Variants in RUNX2 observed in about 807,000 individuals in gnomAD.
RUNX2 encodes the protein runt-related transcription factor 2.
A neutral mutation model predicts 51.7 loss-of-function variants in RUNX2; 10 were observed. The ratio of observed to expected loss-of-function variants is 0.19; its 90% CI spans 0.12 to 0.33. The LOEUF (loss-of-function observed/expected upper bound fraction) is 0.33. Ranked by LOEUF, RUNX2 falls within the 10% of genes least tolerant of loss-of-function variation. The pLI is 1.00. For synonymous variants in RUNX2, 276 were observed against 273.6 expected, an observed-to-expected ratio of 1.01 and a Z score of -0.09; for missense variants, 562 against 691.3, an observed-to-expected ratio of 0.81 and a Z score of 2.10.
chr6:45,428,956 C>G (rs901420918), intron 3 of RUNX2, among the ~76,000 whole-genome samples: 1 of 150,994 alleles, frequency 6.6e-6, no homozygotes, highest in African/African-American at 2.4e-5. Flanking sequence ...GAAGTACGTA[C>G]TCAGTTGAAC....
chr6:45,454,307 A>C (rs976432882), intron 5 of RUNX2, among the ~76,000 whole-genome samples: 3 of 152,226 alleles, frequency 2.0e-5, no homozygotes, highest in African/African-American at 7.2e-5. Context: ...CTTGTTAGGA[A>C]AACTGAAATA....
rs763852761 is a variant in RUNX2 at position 45,431,884 on chromosome 6, C to T, written c.445C>T (p.Pro149Ser). ...GTAGGTGGTAGCCCTCGGAGAGGTA[C>T]CAGATGGGACTGTGGTTACTGTCAT... The part of the protein sequence containing the change: ...AFKVVALGEV[P>S]DGTVVTVMAG... Residue 149 changes from proline to serine, a missense_variant, in exon 4 of 9, where the codon CCA becomes TCA. Around this residue, in one of 5 missense-constraint regions of RUNX2, gnomAD observed 67 missense variants for 106.5 expected, o/e 0.63. Transcript: ENST00000647337. 1 of 1,614,040 alleles carries T rather than the reference C, an allele frequency of 6.2e-7. No individual in the cohort carries two copies. The highest frequency in any genetic ancestry group is 1.3e-5 in the African/African-American group (1 of 75,010).
At chr6:45,483,855 C>G (rs138782595) in intron 5 of RUNX2, among the ~76,000 whole-genome samples, 1,555 of 152,260 alleles carry the variant, frequency 0.01, 27 homozygotes, top group African/African-American at 0.035. Context: ...TGTCGATAGA[C>G]CAGTGTGAGT....
chr6:45,439,131 G>A (rs560747404), intron 5 of RUNX2, among the ~76,000 whole-genome samples: 35 of 152,150 alleles, frequency 2.3e-4, no homozygotes, highest in Non-Finnish European at 2.9e-4. Flanking sequence ...GGTGGGTCCC[G>A]TCCCTTTTGC....
Position 45,366,352 on chromosome 6 carries a change from C to T in RUNX2, c.58+37568C>T, listed in dbSNP as rs1795132606. 4.1e-5 allele frequency among the ~76,000 whole-genome samples: 6 copies of T among 147,528 alleles called. No individual in the cohort carries two copies. In the South Asian group the frequency reaches 1.3e-3, roughly 31 times the overall value. ...GGGCAAGTTACCTAACTTCTCTGTG[C>T]TTCAGTTTCCTCATCTGTAAATGGC... is the stretch of plus-strand genomic sequence containing the variant. On this transcript the variant is annotated intron_variant, in intron 2 of 8. Transcript: ENST00000647337.
At chr6:45,498,937 G>A (rs1264088823) in intron 6 of RUNX2, among the ~76,000 whole-genome samples, 1 of 152,194 alleles carries the variant, frequency 6.6e-6, no homozygotes, top group Non-Finnish European at 1.5e-5. Context: ...AACAAGTTGG[G>A]AGATGAAGTG....
At chr6:45,333,611 A>G (rs1787952573) in intron 2 of RUNX2, among the ~76,000 whole-genome samples, 1 of 151,380 alleles carries the variant, frequency 6.6e-6, no homozygotes, top group South Asian at 2.1e-4. Flanking sequence ...ACACTAATAA[A>G]CAGAAACTGC....
intron 4 of RUNX2, 72 bp downstream of exon 4, chr6:45,432,091 C>A (rs1471619842): frequency 7.2e-7 from 1 of 1,392,872 alleles, no homozygotes; most frequent in East Asian, 2.4e-5. Context: ...GTAGACTAGT[C>A]TGTATACAAA....
At chr6:45,457,317 C>T (rs1475004424) in intron 5 of RUNX2, among the ~76,000 whole-genome samples, 1 of 152,096 alleles carries the variant, frequency 6.6e-6, no homozygotes, top group Non-Finnish European at 1.5e-5. Flanking sequence ...CCTTTCCCAA[C>T]AGAAGAAGGC....
intron 6 of RUNX2, among the ~76,000 whole-genome samples, chr6:45,511,198 A>G (rs1045919739): frequency 1.3e-5 from 2 of 152,196 alleles, no homozygotes; most frequent in Admixed American, 6.5e-5. Context: ...TTTTTTCTGT[A>G]TATAAGCAGA....
chr6:45,481,123 C>G (rs12210100), intron 5 of RUNX2, among the ~76,000 whole-genome samples: 40,330 of 152,072 alleles, frequency 0.27, 6,073 homozygotes, highest in Non-Finnish European at 0.34. Flanking sequence ...CTGTCTCACT[C>G]TCTGTCTCAC....
intron 7 of RUNX2, among the ~76,000 whole-genome samples, chr6:45,524,425 A>G (rs1241968935): frequency 6.6e-6 from 1 of 152,170 alleles, no homozygotes; most frequent in Non-Finnish European, 1.5e-5. Flanking sequence ...GACTAGGAGG[A>G]GCCCTGTGCT....
intron 5 of RUNX2, among the ~76,000 whole-genome samples, chr6:45,451,225 G>A (rs1799162089): frequency 6.6e-6 from 1 of 152,178 alleles, no homozygotes; most frequent in Admixed American, 6.5e-5. Flanking sequence ...AGTGGGAGGA[G>A]GTGGAGGGGG....
At chr6:45,491,913 CTT>C (rs1024287163) in intron 5 of RUNX2, 26 bp from the exon 6 acceptor site, 4 of 1,611,418 alleles carry the variant, frequency 2.5e-6, no homozygotes, top group Admixed American at 3.3e-5. Flanking sequence ...AATTAATATG[CTT>C]TTATTTTATG....
At chr6:45,423,061 C>A in intron 3 of RUNX2, 104 bp downstream of exon 3, 1 of 1,457,866 alleles carries the variant, frequency 6.9e-7, no homozygotes, top group Non-Finnish European at 9.2e-7. Flanking sequence ...TCCAAGACCT[C>A]CTGCCTTGGC....
chr6:45,352,010 C>T (rs1792154758), intron 2 of RUNX2, among the ~76,000 whole-genome samples: 1 of 152,128 alleles, frequency 6.6e-6, no homozygotes, highest in South Asian at 2.1e-4. Flanking sequence ...TCTCTTCAAA[C>T]TCCCCTACCT....
intron 7 of RUNX2, among the ~76,000 whole-genome samples, chr6:45,517,350 A>C (rs1801363180): frequency 6.6e-6 from 1 of 151,938 alleles, no homozygotes; most frequent in Non-Finnish European, 1.5e-5. Context: ...CCAGGCCAAT[A>C]TTTTTCATAG....
chr6:45,399,343 T>TCTTTC, intron 2 of RUNX2, among the ~76,000 whole-genome samples: 1 of 142,250 alleles, frequency 7.0e-6, no homozygotes, highest in African/African-American at 2.6e-5. Flanking sequence ...TTCTTTCTTT[T>TCTTTC]CTTTCCTTTT....
intron 7 of RUNX2, among the ~76,000 whole-genome samples, chr6:45,532,437 C>T (rs997326750): frequency 3.9e-5 from 6 of 152,018 alleles, no homozygotes; most frequent in Admixed American, 2.0e-4. Flanking sequence ...GGGACTCCAC[C>T]GTGATCACCC....
Sources: allele counts gnomAD v4.1 joint callset (sites outside exome capture counted in the v4.1 genomes callset), GRCh38; gene constraint gnomAD v4.1.1; regional missense constraint gnomAD v4.1.1; transcripts MANE v1.5; gene names NCBI Gene and HGNC (gene_info 2026-07-23, HGNC 2026-07-21).